Variants in NOX4 observed in about 807,000 individuals in gnomAD.
NOX4 encodes NADPH oxidase 4, also known as kidney oxidase-1.
A neutral mutation model predicts 87.6 loss-of-function variants in NOX4; 69 were observed. The observed-to-expected ratio is 0.79, with a 90% confidence interval of 0.65 to 0.96. The LOEUF (loss-of-function observed/expected upper bound fraction) is 0.96. NOX4 is among the 40% of genes least tolerant of loss of function. The probability of loss-of-function intolerance (pLI) is 0.00; values close to 1 mark genes in which losing one functional copy is unlikely to be tolerated. For synonymous variants in NOX4, 275 were observed against 238.2 expected (o/e 1.15, Z -1.42); for missense variants, 680 against 681.5 (o/e 1.00, Z 0.02).
At chr11:89,507,225 T>A in the NOX4 span, among the ~76,000 whole-genome samples, 4 of 151,830 alleles carry the variant, frequency 2.6e-5, no homozygotes, top group Admixed American at 6.6e-5. Flanking sequence ...GATACGTGCA[T>A]TATCTTGATT....
At chr11:89,438,646 C>T (rs868461105) in intron 6 of NOX4, among the ~76,000 whole-genome samples, 7 of 65,558 alleles carry the variant, frequency 1.1e-4, no homozygotes, top group South Asian at 5.2e-4. Context: ...ATATAATACT[C>T]TATATAATAT....
At position 89,486,633 on chromosome 11, in the gene NOX4, CATAT is replaced by C. The variant is rs375094475; in HGVS notation, c.153+3821_153+3824del. 1.1e-3 allele frequency among the ~76,000 whole-genome samples: 116 copies of C among 106,802 alleles called. 5 individuals are homozygous for C. Among genetic ancestry groups the C allele is most frequent in the African/African-American group, 4.5e-3 (114 of 25,410 alleles). 70.1% of individuals were successfully genotyped at this position (106,802 alleles called of 152,430 possible). On this transcript the variant is annotated intron_variant, in intron 2 of 17. Coordinates refer to ENST00000263317, the MANE Select transcript of NOX4 (RefSeq NM_016931.5). ...ATGTGTGTATATATGTGTATATATA[CATAT>C]ATATGTGTGTATATATGTGTATATA...
At chr11:89,333,813 C>T (rs2135369507) in intron 17 of NOX4, among the ~76,000 whole-genome samples, 1 of 151,816 alleles carries the variant, frequency 6.6e-6, no homozygotes, top group South Asian at 2.1e-4. Flanking sequence ...CATAAAAATC[C>T]TTCAGAAAAT....
At chr11:89,335,637 A>G (rs1039909513) in intron 17 of NOX4, among the ~76,000 whole-genome samples, 3 of 151,838 alleles carry the variant, frequency 2.0e-5, no homozygotes, top group Non-Finnish European at 1.5e-5. Context: ...ACTGTAGACT[A>G]TTTCTAAGCC....
chr11:89,440,447 G>A (rs1944406659), intron 6 of NOX4, among the ~76,000 whole-genome samples: 1 of 151,946 alleles, frequency 6.6e-6, no homozygotes, highest in Non-Finnish European at 1.5e-5. Flanking sequence ...AGCCTCCTAA[G>A]TAGCTGGGAT....
At chr11:89,589,502 C>T in the NOX4 span, 1 of 152,318 alleles carries the variant, frequency 6.6e-6, no homozygotes, top group African/African-American at 2.4e-5. Flanking sequence ...AAGTTCAAGC[C>T]ATGTGGAGAG....
At chr11:89,405,080 TTGTGTGTGTGTGTGTG>T (rs71472257) in intron 8 of NOX4, among the ~76,000 whole-genome samples, 1 of 133,192 alleles carries the variant, frequency 7.5e-6, no homozygotes, top group Non-Finnish European at 1.6e-5. Context: ...AAAAGTCAGA[TTGTGTGTGTGTGTGTG>T]TGTGTGTGTG....
intron 7 of NOX4, among the ~76,000 whole-genome samples, chr11:89,422,437 G>A (rs1943130104): frequency 6.6e-6 from 1 of 152,068 alleles, no homozygotes; most frequent in South Asian, 2.1e-4. Context: ...CGACCAAAGT[G>A]TTATATTTTT....
intron 7 of NOX4, among the ~76,000 whole-genome samples, chr11:89,426,911 G>C (rs1565275152): frequency 6.6e-6 from 1 of 152,154 alleles, no homozygotes; most frequent in Non-Finnish European, 1.5e-5. Context: ...TCTGAGAACG[G>C]ACAGACTGCC....
At chr11:89,446,038 TA>T (rs982721450) in intron 4 of NOX4, among the ~76,000 whole-genome samples, 1 of 151,830 alleles carries the variant, frequency 6.6e-6, no homozygotes, top group African/African-American at 2.4e-5. Context: ...ACAACCCAAT[TA>T]AAAAAATGTG....
the NOX4 span, among the ~76,000 whole-genome samples, chr11:89,540,786 TAAAAAAAAAAAAAAAAAAAAAAAA>T: frequency 9.4e-4 from 41 of 43,512 alleles, no homozygotes; most frequent in South Asian, 2.3e-3. Flanking sequence ...AGACTCCGTC[TAAAAAAAAAAAAAAAAAAAAAAAA>T]AAAAAAAAAA....
chr11:89,436,906 C>T (rs1418472220), intron 6 of NOX4, among the ~76,000 whole-genome samples: 2 of 151,932 alleles, frequency 1.3e-5, no homozygotes, highest in South Asian at 2.1e-4. Flanking sequence ...AGTTTAGCCA[C>T]TATATTTTAT....
intron 7 of NOX4, among the ~76,000 whole-genome samples, chr11:89,425,874 T>C (rs1943369324): frequency 1.3e-5 from 2 of 152,158 alleles, no homozygotes; most frequent in South Asian, 4.1e-4. Flanking sequence ...TATATATATC[T>C]GTGTTTCTGT....
the NOX4 span, among the ~76,000 whole-genome samples, chr11:89,536,138 C>CTTTT: frequency 1.0e-4 from 9 of 88,954 alleles, no homozygotes; most frequent in African/African-American, 1.9e-4. Flanking sequence ...TGGTCCTTTT[C>CTTTT]TTTTTTTTTT....
At chr11:89,442,047 A>T (rs1176866885) in intron 5 of NOX4, among the ~76,000 whole-genome samples, 2 of 148,716 alleles carry the variant, frequency 1.3e-5, no homozygotes. Context: ...TTTACATAAT[A>T]TTTAAATACA....
intron 8 of NOX4, among the ~76,000 whole-genome samples, chr11:89,410,817 G>T (rs1316301726): frequency 6.6e-6 from 1 of 152,214 alleles, no homozygotes; most frequent in African/African-American, 2.4e-5. Flanking sequence ...GAAATTCCCT[G>T]CAAGTCCTGG....
intron 11 of NOX4, among the ~76,000 whole-genome samples, chr11:89,387,289 TAAC>T (rs1459473206): frequency 6.6e-6 from 1 of 152,106 alleles, no homozygotes; most frequent in African/African-American, 2.4e-5. Context: ...GTTCCTGCTT[TAAC>T]TGATGATATT....
intron 2 of NOX4, among the ~76,000 whole-genome samples, chr11:89,461,473 T>C (rs1297442078): frequency 6.6e-6 from 1 of 151,510 alleles, no homozygotes; most frequent in Non-Finnish European, 1.5e-5. Flanking sequence ...TGAAACTCCG[T>C]CTCTACTAAA....
chr11:89,549,753 T>A, the NOX4 span, among the ~76,000 whole-genome samples: 1 of 152,210 alleles, frequency 6.6e-6, no homozygotes, highest in Non-Finnish European at 1.5e-5. Flanking sequence ...TGGTTTTCTG[T>A]TCCTGGGTTA....
Sources: gnomAD v4.1 joint callset for allele counts (sites outside exome capture counted in the v4.1 genomes callset) on GRCh38, gnomAD v4.1.1 for gene constraint, MANE v1.5 for transcripts, NCBI Gene and HGNC (gene_info 2026-07-23, HGNC 2026-07-21) for gene names.